Variants in RBFOX1 observed in about 807,000 individuals in gnomAD.
RBFOX1 encodes the protein RNA binding protein fox-1 homolog 1.
RBFOX1 carries 8 observed loss-of-function variants against 57.7 expected under a neutral mutation model. That is an observed-to-expected ratio of 0.14 (90% CI 0.08 to 0.25). The LOEUF (loss-of-function observed/expected upper bound fraction) is 0.25, where lower values mean the gene tolerates loss of function less well. Ranked by LOEUF, RBFOX1 falls within the 10% of genes least tolerant of loss-of-function variation. The pLI is 1.00. For synonymous variants in RBFOX1, 326 were observed against 222.4 expected (o/e 1.47, Z -4.15); for missense variants, 611 against 548.5 (o/e 1.11, Z -1.14).
rs73526537 is a variant in RBFOX1 at position 6,493,990 on chromosome 16, G to A, written c.-63-160613G>A. Among the ~76,000 whole-genome samples, 1,013 of 152,272 alleles carry A rather than the reference G, an allele frequency of 6.7e-3. 13 individuals carry two copies. The highest frequency in any genetic ancestry group is 0.022 in the African/African-American group (929 of 41,542). ...TGTATACCAGAAGATACAGAGAGAA[G>A]GTTGGCGATCATTCCAGTGTATTGA... On this transcript the variant is annotated intron_variant, in intron 2 of 15. Transcript: ENST00000550418.
chr16:7,353,680 G>A (rs2097166641), intron 4 of RBFOX1, among the ~76,000 whole-genome samples: 1 of 152,164 alleles, frequency 6.6e-6, no homozygotes, highest in South Asian at 2.1e-4. Flanking sequence ...TGAGAATGTT[G>A]TACTAAGTGA....
chr16:7,123,556 G>A (rs560350476), intron 4 of RBFOX1, among the ~76,000 whole-genome samples: 1 of 152,040 alleles, frequency 6.6e-6, no homozygotes, highest in South Asian at 2.1e-4. Flanking sequence ...GTAGAGATGG[G>A]GTTTTGACAT....
intron 3 of RBFOX1, among the ~76,000 whole-genome samples, chr16:6,954,543 G>C (rs1365869433): frequency 6.6e-6 from 1 of 152,138 alleles, no homozygotes; most frequent in African/African-American, 2.4e-5. Context: ...CATGCCAACT[G>C]TCCTCACCTG....
intron 2 of RBFOX1, among the ~76,000 whole-genome samples, chr16:6,607,491 T>G (rs1354094145): frequency 6.6e-6 from 1 of 150,452 alleles, no homozygotes; most frequent in African/African-American, 2.4e-5. Flanking sequence ...TTACTCTTTC[T>G]TCCTCTCTCT....
intron 4 of RBFOX1, among the ~76,000 whole-genome samples, chr16:7,195,878 C>A (rs1318509384): frequency 6.6e-6 from 1 of 152,040 alleles, no homozygotes; most frequent in Non-Finnish European, 1.5e-5. Flanking sequence ...TAGAAAGGTG[C>A]CTGGTTTATA....
At chr16:6,020,321 C>G (rs2095044617) in intron 1 of RBFOX1, among the ~76,000 whole-genome samples, 1 of 152,094 alleles carries the variant, frequency 6.6e-6, no homozygotes, top group East Asian at 1.9e-4. Flanking sequence ...CAGCGGGAGC[C>G]TGCCTGCGCA....
At chr16:6,560,029 C>T (rs968747395) in intron 2 of RBFOX1, among the ~76,000 whole-genome samples, 3 of 152,156 alleles carry the variant, frequency 2.0e-5, no homozygotes, top group Non-Finnish European at 4.4e-5. Context: ...AAATCACTTA[C>T]TACCTATGCT....
intron 4 of RBFOX1, among the ~76,000 whole-genome samples, chr16:5,991,525 C>G (rs1596358362): frequency 6.6e-6 from 1 of 152,138 alleles, no homozygotes; most frequent in East Asian, 1.9e-4. Flanking sequence ...TTGATAAGGA[C>G]CATGCATCGT....
At chr16:7,289,101 C>G (rs1401633867) in intron 4 of RBFOX1, among the ~76,000 whole-genome samples, 1 of 152,182 alleles carries the variant, frequency 6.6e-6, no homozygotes, top group Non-Finnish European at 1.5e-5. Flanking sequence ...ATGCCAGATC[C>G]TGCCTGCTGT....
chr16:6,545,882 G>A (rs1050870808), intron 2 of RBFOX1, among the ~76,000 whole-genome samples: 2 of 152,214 alleles, frequency 1.3e-5, no homozygotes, highest in Non-Finnish European at 2.9e-5. Context: ...CCAGGTGTCT[G>A]ATGCCAGGCC....
chr16:6,740,397 A>G (rs953071825), intron 3 of RBFOX1, among the ~76,000 whole-genome samples: 18 of 152,234 alleles, frequency 1.2e-4, no homozygotes, highest in Non-Finnish European at 1.3e-4. Flanking sequence ...AAACAGTGCA[A>G]TAAGACAAGA....
intron 3 of RBFOX1, among the ~76,000 whole-genome samples, chr16:6,807,098 T>A (rs1174393815): frequency 6.6e-6 from 1 of 151,884 alleles, no homozygotes; most frequent in African/African-American, 2.4e-5. Context: ...CCTCCCAAAG[T>A]GCTGGGATTA....
At chr16:5,377,233 T>A (rs2066009082) in intron 1 of RBFOX1, among the ~76,000 whole-genome samples, 1 of 151,304 alleles carries the variant, frequency 6.6e-6, no homozygotes, top group Non-Finnish European at 1.5e-5. Context: ...GCACAGCAAG[T>A]ATGTTCAGGA....
intron 4 of RBFOX1, among the ~76,000 whole-genome samples, chr16:7,287,164 G>A (rs1943098784): frequency 6.6e-6 from 1 of 152,160 alleles, no homozygotes; most frequent in Admixed American, 6.5e-5. Context: ...GAGAAGATTA[G>A]TGATTCTCAT....
intron 3 of RBFOX1, among the ~76,000 whole-genome samples, chr16:5,723,776 A>G (rs2052027133): frequency 6.6e-6 from 1 of 152,228 alleles, no homozygotes; most frequent in African/African-American, 2.4e-5. Flanking sequence ...GCCAGCCCAC[A>G]GGCAGCTATG....
intron 4 of RBFOX1, among the ~76,000 whole-genome samples, chr16:5,870,188 C>G (rs2057435355): frequency 6.7e-6 from 1 of 149,796 alleles, no homozygotes; most frequent in South Asian, 2.1e-4. Flanking sequence ...ACATTCATCT[C>G]TGATGATAAA....
intron 11 of RBFOX1, among the ~76,000 whole-genome samples, chr16:7,644,132 T>A (rs994874227): frequency 6.6e-6 from 1 of 152,154 alleles, no homozygotes; most frequent in Admixed American, 6.5e-5. Context: ...TGCCTTTATG[T>A]TGCATGATGG....
At chr16:5,674,227 T>C (rs1466694233) in intron 3 of RBFOX1, among the ~76,000 whole-genome samples, 1 of 152,234 alleles carries the variant, frequency 6.6e-6, no homozygotes, top group Non-Finnish European at 1.5e-5. Context: ...GCATAGGGTA[T>C]TCTGAAAATC....
chr16:6,922,527 A>G (rs767304703), intron 3 of RBFOX1, among the ~76,000 whole-genome samples: 2 of 151,358 alleles, frequency 1.3e-5, no homozygotes, highest in African/African-American at 2.4e-5. Flanking sequence ...AAAATCTTTT[A>G]TTTTCCTGCG....
Sources: gnomAD v4.1 joint callset for allele counts (sites outside exome capture counted in the v4.1 genomes callset) on GRCh38, gnomAD v4.1.1 for gene constraint, MANE v1.5 for transcripts, NCBI Gene and HGNC (gene_info 2026-07-23, HGNC 2026-07-21) for gene names.